ATAD3C: variants seen among roughly 807,000 people sequenced by gnomAD.
ATAD3C encodes ATPase family AAA domain-containing protein 3C.
A neutral mutation model predicts 46.3 loss-of-function variants in ATAD3C; 38 were observed. The ratio of observed to expected loss-of-function variants is 0.82; its 90% CI spans 0.63 to 1.08. ATAD3C has a LOEUF of 1.08. Ranked by LOEUF, ATAD3C falls within the 50% of genes least tolerant of loss-of-function variation. The pLI is 0.00. For synonymous variants in ATAD3C, 220 were observed against 236.4 expected (o/e 0.93, Z 0.63); for missense variants, 563 against 572.7 (o/e 0.98, Z 0.17).
chr1:1,454,204 A>G, intron 3 of ATAD3C, 141 bp from the exon 4 acceptor site: 1 of 1,414,442 alleles, frequency 7.1e-7, no homozygotes, highest in Non-Finnish European at 9.3e-7. Flanking sequence ...GGGGCTGGGA[A>G]TTCGGGTTCC....
At position 1,460,882 on chromosome 1, in the gene ATAD3C, C is replaced by A; in HGVS notation, c.945C>A (p.Asn315Lys). Residue 315 changes from asparagine to lysine, a missense_variant, in exon 10 of 12, where the codon AAC becomes AAA. Physicochemically the swap from Asn to Lys is moderately conservative, Grantham distance 94. Transcript: ENST00000378785. ...ERARLVRMYL[N>K]EYVLKPATEG... Reference sequence around the variant, plus strand: ...CGCGCCTGGTGAGAATGTATCTTAACGAGTATGTTCTTAAGCCGGCCACAG... The same window carrying A: ...CGCGCCTGGTGAGAATGTATCTTAAAGAGTATGTTCTTAAGCCGGCCACAG... The A allele has an allele frequency of 6.2e-7, 1 of 1,612,332 alleles. No individual in the cohort carries two copies. The highest frequency in any genetic ancestry group is 1.7e-5 in the Admixed American group (1 of 59,894).
intron 11 of ATAD3C, among the ~76,000 whole-genome samples, chr1:1,467,374 G>A (rs909523193): frequency 3.9e-5 from 6 of 151,994 alleles, no homozygotes; most frequent in African/African-American, 9.7e-5. Context: ...CCACAGTGGC[G>A]GTCCGGCTCC....
intron 4 of ATAD3C, among the ~76,000 whole-genome samples, chr1:1,454,986 C>G (rs1638929102): frequency 6.6e-6 from 1 of 151,716 alleles, no homozygotes; most frequent in Non-Finnish European, 1.5e-5. Context: ...GAGGCCAAGA[C>G]AGGTGGATCA....
At chr1:1,464,967 C>T (rs1639123505) in intron 11 of ATAD3C, among the ~76,000 whole-genome samples, 2 of 151,628 alleles carry the variant, frequency 1.3e-5, no homozygotes, top group South Asian at 2.1e-4. Flanking sequence ...CTCACTGCAA[C>T]CTCCGCCTCC....
intron 8 of ATAD3C, among the ~76,000 whole-genome samples, chr1:1,457,553 G>A (rs1365683136): frequency 2.9e-5 from 4 of 136,088 alleles, no homozygotes; most frequent in African/African-American, 1.2e-4. Context: ...CCGAGATCGT[G>A]CTGCTGCACT....
At chr1:1,460,996 C>G (rs905771599) in intron 10 of ATAD3C, 79 bp downstream of exon 10, 1 of 1,457,480 alleles carries the variant, frequency 6.9e-7, no homozygotes, top group Admixed American at 2.3e-5. Context: ...CCGGACACAC[C>G]CAGCAGGCCC....
chr1:1,467,689 G>A (rs1029270748), intron 11 of ATAD3C, among the ~76,000 whole-genome samples: 5 of 152,084 alleles, frequency 3.3e-5, no homozygotes, highest in African/African-American at 4.8e-5. Flanking sequence ...GTCCTGGTGC[G>A]CTCTTGAGCA....
At position 1,455,856 on chromosome 1, in the gene ATAD3C, C is replaced by T. The variant is rs373507304; in HGVS notation, c.504C>T (p.Gly168=). ...CAAGGAACATCAAGAAGAACCGGGG[C>T]CTGTACAGGCACATCCTGCTGTACG... ...IMTRNIKKNR[G]LYRHILLYGP... is the part of the protein sequence containing the mutation. The change falls in exon 6 of 12, where the codon GGC becomes GGT. Residue 168 remains glycine, a synonymous_variant. Transcript: ENST00000378785. 3.1e-6 allele frequency: 5 copies of T among 1,613,356 alleles called. No homozygotes were observed. In the African/African-American group the frequency reaches 6.7e-5, roughly 22 times the overall value.
chr1:1,458,446 G>GTC, intron 8 of ATAD3C, among the ~76,000 whole-genome samples: 1 of 140,894 alleles, frequency 7.1e-6, no homozygotes, highest in East Asian at 2.5e-4. Flanking sequence ...AGCTCATTTT[G>GTC]TCTTTTTTTT....
chr1:1,463,905 C>G (rs1639107212), intron 11 of ATAD3C, among the ~76,000 whole-genome samples: 1 of 150,806 alleles, frequency 6.6e-6, no homozygotes, highest in Admixed American at 6.6e-5. Flanking sequence ...GAGTGAGACC[C>G]TGTCTTAAAA....
intron 11 of ATAD3C, among the ~76,000 whole-genome samples, chr1:1,464,229 A>AGT (rs1220848583): frequency 6.8e-6 from 1 of 146,816 alleles, no homozygotes; most frequent in Non-Finnish European, 1.5e-5. Flanking sequence ...AAAGAACAGG[A>AGT]GTGTGGTCGA....
Position 1,450,325 on chromosome 1 carries a change from A to T in ATAD3C, c.-359A>T, listed in dbSNP as rs1638833489. Reference sequence around the variant, plus strand: ...GGGCCAGAATGAGACTCCGTCTCAAAAAAAAAAAAAAAAAAAGCATGTGTA... The same window carrying T: ...GGGCCAGAATGAGACTCCGTCTCAATAAAAAAAAAAAAAAAAGCATGTGTA... On this transcript the variant is annotated 5_prime_UTR_variant, in exon 1 of 12. The change creates a premature stop within an existing upstream ORF in the 5' untranslated region. Transcript: ENST00000378785. 1 of 108,850 alleles carries T rather than the reference A, an allele frequency of 9.2e-6. No homozygotes were observed. The highest frequency in any genetic ancestry group is 1.4e-4 in the Admixed American group (1 of 7,014). The allele number at this position is 108,850 out of a possible 1,614,324, so 6.7% of individuals were successfully genotyped here. A position where few individuals can be genotyped will look rare whatever the true frequency, so the allele number is the denominator to read the frequency against.
intron 11 of ATAD3C, among the ~76,000 whole-genome samples, chr1:1,466,276 G>A (rs554180728): frequency 2.0e-4 from 30 of 150,814 alleles, no homozygotes; most frequent in South Asian, 2.1e-4. Context: ...GGCTGGGCGC[G>A]GTGGCTCACG....
In ATAD3C at chr1:1,452,130, C is replaced by T. The variant is rs1293838327; in HGVS notation, c.152+8C>T. ...CTTCTTGGAGTCCATCAGGTGAGCGCTGCCGAGGCCCGGGCCGGCCGCAGA... is the reference window on the plus strand; with the variant it reads ...CTTCTTGGAGTCCATCAGGTGAGCGTTGCCGAGGCCCGGGCCGGCCGCAGA... On this transcript the variant is annotated splice_region_variant and intron_variant, in intron 2 of 11. Transcript: ENST00000378785. 1 of 1,613,056 alleles carries T rather than the reference C, an allele frequency of 6.2e-7. No individual in the cohort carries two copies. Among genetic ancestry groups the T allele is most frequent in the African/African-American group, 1.3e-5 (1 of 75,066 alleles).
Position 1,454,481 on chromosome 1 carries a change from C to T in ATAD3C, c.359C>T (p.Ala120Val), listed in dbSNP as rs746415388. ...ACGTCCCGCATCACGGTGCTTGAGG[C>T]GCTGCGGCACCCCATCCAGGTAGCG... Reference protein sequence around the residue: ...RETSRITVLEALRHPIQQVSR... With the variant: ...RETSRITVLEVLRHPIQQVSR... The change falls in exon 4 of 12, where the codon GCG (alanine) becomes GTG (valine). Residue 120 changes from alanine (A) to valine (V), a missense_variant. Coordinates refer to ENST00000378785, the MANE Select transcript of ATAD3C (RefSeq NM_001039211.3). The T allele has an allele frequency of 1.7e-5, 27 of 1,609,076 alleles. 1 individual carries two copies. Among genetic ancestry groups the T allele is most frequent in the Admixed American group, 6.7e-5 (4 of 59,760 alleles).
chr1:1,465,133 G>A (rs1359266407), intron 11 of ATAD3C, among the ~76,000 whole-genome samples: 4 of 151,446 alleles, frequency 2.6e-5, no homozygotes, highest in African/African-American at 9.7e-5. Context: ...TGATCTGCCC[G>A]CCTCAGCCTC....
At chr1:1,455,549 C>A (rs372419941) in intron 5 of ATAD3C, 30 bp downstream of exon 5, 2 of 1,611,888 alleles carry the variant, frequency 1.2e-6, no homozygotes, top group Non-Finnish European at 1.7e-6. Flanking sequence ...ACCGGGGAGG[C>A]GCAGGGAGGG....
chr1:1,468,633 C>G lies in ATAD3C; in HGVS notation c.*103C>G, dbSNP rs779412858. On this transcript the variant is annotated 3_prime_UTR_variant, in exon 12 of 12. Coordinates refer to ENST00000378785, the MANE Select transcript of ATAD3C (RefSeq NM_001039211.3). ...GGAAATACTCCCCGTAATAAAGTCC[C>G]ACGGGGGCCGCACCGCTGTGTCTAT... 1.9e-5 allele frequency: 30 copies of G among 1,576,944 alleles called. No homozygotes were observed. In the Admixed American group the frequency reaches 5.3e-4, roughly 28 times the overall value.
chr1:1,457,551 G>A (rs560217098), intron 8 of ATAD3C, among the ~76,000 whole-genome samples: 7 of 137,460 alleles, frequency 5.1e-5, no homozygotes, highest in South Asian at 2.3e-4. Context: ...AGCCGAGATC[G>A]TGCTGCTGCA....
Sources: gnomAD v4.1 joint callset for allele counts (sites outside exome capture counted in the v4.1 genomes callset) on GRCh38, gnomAD v4.1.1 for gene constraint, MANE v1.5 for transcripts, NCBI Gene and HGNC (gene_info 2026-07-23, HGNC 2026-07-21) for gene names.